Variants in CCDC171 observed in about 807,000 individuals in gnomAD.
The protein encoded by CCDC171 is coiled-coil domain-containing protein 171.
CCDC171 carries 177 observed loss-of-function variants against 168.2 expected under a neutral mutation model. The ratio of observed to expected loss-of-function variants is 1.05; its 90% CI spans 0.93 to 1.19. The LOEUF (loss-of-function observed/expected upper bound fraction) is 1.19. Ranked by LOEUF, CCDC171 falls within the 50% of genes most tolerant of loss-of-function variation. The pLI, the probability that CCDC171 is intolerant of heterozygous loss-of-function variation, is 0.00. For missense variants in CCDC171, 1,991 were observed against 1,539.0 expected, an observed-to-expected ratio of 1.29 and a Z score of -4.91; for synonymous variants, 687 against 540.8, an observed-to-expected ratio of 1.27 and a Z score of -3.75.
intron 14 of CCDC171, among the ~76,000 whole-genome samples, chr9:15,725,691 C>G (rs1180788443): frequency 6.6e-6 from 1 of 152,194 alleles, no homozygotes; most frequent in Non-Finnish European, 1.5e-5. Context: ...CTCAGGTGAT[C>G]TGCCCACCTT....
chr9:15,561,780 T>A (rs142672467), intron 1 of CCDC171, among the ~76,000 whole-genome samples: 113 of 152,114 alleles, frequency 7.4e-4, no homozygotes, highest in African/African-American at 2.5e-3. Context: ...AAATCCTTGT[T>A]CTCTGTGTCA....
chr9:15,646,558 T>A (rs368805108), intron 7 of CCDC171, among the ~76,000 whole-genome samples: 23 of 152,208 alleles, frequency 1.5e-4, no homozygotes, highest in African/African-American at 5.1e-4. Context: ...TGGAGGAAGA[T>A]CTACCAAGAA....
At chr9:15,860,454 T>G (rs2061512919) in intron 23 of CCDC171, among the ~76,000 whole-genome samples, 1 of 151,950 alleles carries the variant, frequency 6.6e-6, no homozygotes, top group African/African-American at 2.4e-5. Flanking sequence ...TTTGATATGT[T>G]GTATTTCATT....
In CCDC171 at chr9:15,674,479, T is replaced by C. The variant is rs529634561; in HGVS notation, c.1077-4279T>C. Reference sequence around the variant, plus strand: ...GGTGTCGATTGTAGATCTTTCTTGCTTTCTCTTGTGGGCATTTAGTGCTGT... The same window carrying C: ...GGTGTCGATTGTAGATCTTTCTTGCCTTCTCTTGTGGGCATTTAGTGCTGT... On this transcript the variant is annotated intron_variant, in intron 9 of 25. Coordinates refer to ENST00000380701, the MANE Select transcript of CCDC171 (RefSeq NM_173550.4). Among the ~76,000 whole-genome samples, 5 of 152,330 alleles carry C rather than the reference T, an allele frequency of 3.3e-5. No individual in the cohort carries two copies. The South Asian group carries it at 1.0e-3, about 32-fold the overall frequency.
chr9:15,834,395 T>C (rs1280465453), intron 21 of CCDC171, among the ~76,000 whole-genome samples: 2 of 152,200 alleles, frequency 1.3e-5, no homozygotes, highest in African/African-American at 4.8e-5. Context: ...TTCTAAATCA[T>C]TATACCTTTC....
At chr9:15,980,678 G>A (rs12000455) in intron 3 of CCDC171, among the ~76,000 whole-genome samples, 11,643 of 151,576 alleles carry the variant, frequency 0.077, 1,463 homozygotes, top group African/African-American at 0.27. Context: ...TTACCATTCT[G>A]TAATACCTGG....
the CCDC171 span, among the ~76,000 whole-genome samples, chr9:16,097,722 C>G: frequency 6.6e-6 from 1 of 152,256 alleles, no homozygotes; most frequent in South Asian, 2.1e-4. Context: ...TAAGACTGCC[C>G]TGGGTTTAAG....
At chr9:15,804,742 C>T (rs2058995045) in intron 21 of CCDC171, among the ~76,000 whole-genome samples, 1 of 151,968 alleles carries the variant, frequency 6.6e-6, no homozygotes, top group South Asian at 2.1e-4. Context: ...ATAATGCTGG[C>T]CTCATAGAAT....
intron 18 of CCDC171, among the ~76,000 whole-genome samples, chr9:15,777,255 G>C (rs2057375604): frequency 6.6e-6 from 1 of 152,150 alleles, no homozygotes. Flanking sequence ...AAATAGTATG[G>C]CATGAAGGTA....
chr9:16,007,203 T>C (rs1280568925), intron 3 of CCDC171, among the ~76,000 whole-genome samples: 1 of 152,254 alleles, frequency 6.6e-6, no homozygotes, highest in Middle Eastern at 3.2e-3. Flanking sequence ...CATTTTTTCA[T>C]GTGTTTTTTG....
At chr9:15,978,376 C>T (rs1831685448), downstream of CCDC171, among the ~76,000 whole-genome samples, 1 of 152,182 alleles carries the variant, frequency 6.6e-6, no homozygotes, top group Non-Finnish European at 1.5e-5. Context: ...TCCAAGAGGG[C>T]ACAAACTACA....
intron 6 of CCDC171, among the ~76,000 whole-genome samples, chr9:16,033,865 G>A (rs902270707): frequency 6.6e-6 from 1 of 152,144 alleles, no homozygotes; most frequent in Admixed American, 6.5e-5. Flanking sequence ...TGCTAAGATC[G>A]GGTGGCAGGG....
chr9:15,757,714 T>C (rs549267394), intron 18 of CCDC171, among the ~76,000 whole-genome samples: 1 of 152,242 alleles, frequency 6.6e-6, no homozygotes, highest in Admixed American at 6.5e-5. Context: ...ATGGTTTCAT[T>C]GTCCAGTCCC....
intron 19 of CCDC171, 131 bp from the exon 20 acceptor site, chr9:15,778,837 C>G (rs1230505881): frequency 5.2e-6 from 3 of 573,188 alleles, no homozygotes; most frequent in Middle Eastern, 9.4e-4. Context: ...AAGTTTTCAC[C>G]TCTACATTTC....
chr9:15,570,039 C>T (rs901967049), intron 2 of CCDC171, among the ~76,000 whole-genome samples: 3 of 151,972 alleles, frequency 2.0e-5, no homozygotes, highest in Non-Finnish European at 4.4e-5. Flanking sequence ...GGTGTGATCT[C>T]TGCTCACTGC....
At chr9:15,988,784 C>T (rs1832085111) in intron 3 of CCDC171, among the ~76,000 whole-genome samples, 2 of 152,192 alleles carry the variant, frequency 1.3e-5, no homozygotes, top group South Asian at 2.1e-4. Context: ...AGATTATATC[C>T]CGCGCCTGGC....
chr9:15,727,866 CAGG>C lies in CCDC171; in HGVS notation c.1693_1695del (p.Glu565del). On this transcript the variant is annotated splice_acceptor_variant and coding_sequence_variant, in exon 15 of 26. Coordinates refer to ENST00000380701, the MANE Select transcript of CCDC171 (RefSeq NM_173550.4). LOFTEE classifies it high-confidence loss of function. ...ATTAATTTTTCTTTTTTTTTTCCTG[CAGG>C]AGAAGCTAACCTTCCTTCACACCTT... is the stretch of plus-strand genomic sequence containing the variant. The C allele has an allele frequency of 6.3e-7, 1 of 1,585,708 alleles. No homozygotes were observed. Among genetic ancestry groups the C allele is most frequent in the African/African-American group, 1.4e-5 (1 of 72,748 alleles).
chr9:15,623,475 G>GCACGCA (rs1554714959), intron 7 of CCDC171, 62 bp downstream of exon 7: 1 of 311,464 alleles, frequency 3.2e-6, no homozygotes, highest in African/African-American at 2.4e-5. Context: ...GCGCGCGCGC[G>GCACGCA]CACACACACA....
the CCDC171 span, among the ~76,000 whole-genome samples, chr9:16,100,694 G>C: frequency 6.6e-6 from 1 of 152,200 alleles, no homozygotes; most frequent in Non-Finnish European, 1.5e-5. Flanking sequence ...AAGTGTTGCT[G>C]GCAAGGGTTG....
Sources: allele counts gnomAD v4.1 joint callset (sites outside exome capture counted in the v4.1 genomes callset), GRCh38; gene constraint gnomAD v4.1.1; transcripts MANE v1.5; gene names NCBI Gene and HGNC (gene_info 2026-07-23, HGNC 2026-07-21).